The following NUBPL variants were observed in gnomAD, a reference collection of about 807,000 sequenced individuals.
NUBPL encodes the protein NUBP iron-sulfur cluster assembly factor, mitochondrial, also known as iron-sulfur cluster transfer protein NUBPL.
A neutral mutation model predicts 45.7 loss-of-function variants in NUBPL; 31 were observed. The ratio of observed to expected loss-of-function variants is 0.68; its 90% CI spans 0.51 to 0.92. The LOEUF is 0.92. NUBPL is among the 40% of genes least tolerant of loss of function. The pLI is 0.00. For synonymous variants in NUBPL, 144 were observed against 140.9 expected, an observed-to-expected ratio of 1.02 and a Z score of -0.15; for missense variants, 401 against 398.7, an observed-to-expected ratio of 1.01 and a Z score of -0.05.
chr14:31,846,678 C>A, intron 9 of NUBPL, 87 bp downstream of exon 9: 2 of 1,572,274 alleles, frequency 1.3e-6, no homozygotes, highest in African/African-American at 2.7e-5. Flanking sequence ...TCTCAGAGGC[C>A]GGGCACGGAG....
At chr14:31,589,563 A>T (rs539642916) in intron 3 of NUBPL, among the ~76,000 whole-genome samples, 8 of 152,262 alleles carry the variant, frequency 5.3e-5, no homozygotes, top group Admixed American at 4.6e-4. Flanking sequence ...GTGTTTTTTT[A>T]AAAAATTAAA....
In NUBPL at chr14:31,856,308, C is replaced by G. The variant is rs139237074; in HGVS notation, c.898-2810C>G. 2.6e-5 allele frequency among the ~76,000 whole-genome samples: 4 copies of G among 152,106 alleles called. No individual in the cohort carries two copies. The East Asian group carries it at 7.7e-4, about 29-fold the overall frequency. Reference sequence around the variant, plus strand: ...TGAGAACAGCATGGGAAAGACCCACCCCATGATTCAATCACCTCCCACCAG... The same window carrying G: ...TGAGAACAGCATGGGAAAGACCCACGCCATGATTCAATCACCTCCCACCAG... On this transcript the variant is annotated intron_variant, in intron 10 of 10. Coordinates refer to ENST00000281081, the MANE Select transcript of NUBPL (RefSeq NM_025152.3).
intron 4 of NUBPL, among the ~76,000 whole-genome samples, chr14:31,636,017 A>G (rs2035485821): frequency 1.3e-5 from 2 of 152,160 alleles, no homozygotes; most frequent in East Asian, 3.9e-4. Context: ...TTCTAAATAT[A>G]CAATCATGTC....
chr14:31,600,903 T>C, intron 4 of NUBPL, among the ~76,000 whole-genome samples: 1 of 151,828 alleles, frequency 6.6e-6, no homozygotes, highest in East Asian at 1.9e-4. Flanking sequence ...TGTTTAAGTC[T>C]TTAATCCATC....
At position 31,666,425 on chromosome 14, in the gene NUBPL, T is replaced by C. The variant is rs2036429651; in HGVS notation, c.383-6930T>C. ...GACTGCAGGTATGCACCACCATGCC[T>C]GGCTAATTTTTATATTCTTAGTAGA... On this transcript the variant is annotated intron_variant, in intron 4 of 10. Transcript: ENST00000281081. Among the ~76,000 whole-genome samples, 8 of 151,556 alleles carry C rather than the reference T, an allele frequency of 5.3e-5. No homozygotes were observed. In the South Asian group the frequency reaches 1.7e-3, roughly 32 times the overall value.
At chr14:31,857,569 A>G (rs2040644430) in intron 10 of NUBPL, among the ~76,000 whole-genome samples, 1 of 152,158 alleles carries the variant, frequency 6.6e-6, no homozygotes. Flanking sequence ...TATAAAACTG[A>G]ATACCTTTAA....
intron 3 of NUBPL, among the ~76,000 whole-genome samples, chr14:31,597,697 G>T (rs186728780): frequency 9.9e-5 from 15 of 152,220 alleles, no homozygotes; most frequent in East Asian, 1.9e-4. Flanking sequence ...CAAGGAAAGA[G>T]AATTTTAAAA....
intron 2 of NUBPL, among the ~76,000 whole-genome samples, chr14:31,563,271 A>G (rs982608864): frequency 6.6e-6 from 1 of 152,190 alleles, no homozygotes; most frequent in African/African-American, 2.4e-5. Flanking sequence ...AGGTGTTTTC[A>G]TGATTGTAGC....
chr14:31,592,534 A>C (rs2034169377), intron 3 of NUBPL, among the ~76,000 whole-genome samples: 1 of 152,168 alleles, frequency 6.6e-6, no homozygotes, highest in Admixed American at 6.5e-5. Flanking sequence ...ATAAACAATG[A>C]ATAATTTTTT....
At chr14:31,654,046 A>C (rs1478649933) in intron 4 of NUBPL, 2 of 452,732 alleles carry the variant, frequency 4.4e-6, no homozygotes, top group Non-Finnish European at 8.9e-6. Flanking sequence ...CACTAACACC[A>C]AACTTCATAC....
intron 6 of NUBPL, among the ~76,000 whole-genome samples, chr14:31,758,236 T>C (rs139359350): frequency 1.3e-5 from 2 of 152,326 alleles, no homozygotes; most frequent in Non-Finnish European, 2.9e-5. Flanking sequence ...GCAAATATGG[T>C]ACTCAATGTT....
intron 6 of NUBPL, among the ~76,000 whole-genome samples, chr14:31,755,706 G>T (rs1412144910): frequency 6.6e-6 from 1 of 152,040 alleles, no homozygotes; most frequent in Non-Finnish European, 1.5e-5. Context: ...AGTTTAATTA[G>T]ATCCCATTTG....
chr14:31,606,272 TG>T (rs1264210529), intron 4 of NUBPL, among the ~76,000 whole-genome samples: 1 of 151,844 alleles, frequency 6.6e-6, no homozygotes, highest in Non-Finnish European at 1.5e-5. Flanking sequence ...TTTAATTTTT[TG>T]TAGAGCTGGG....
At chr14:31,740,848 A>G (rs1026908854) in intron 6 of NUBPL, among the ~76,000 whole-genome samples, 1 of 152,060 alleles carries the variant, frequency 6.6e-6, no homozygotes, top group Non-Finnish European at 1.5e-5. Context: ...GCACCTTTCA[A>G]CTGAGATATA....
At chr14:31,803,996 G>A (rs2138874833) in intron 7 of NUBPL, among the ~76,000 whole-genome samples, 1 of 151,988 alleles carries the variant, frequency 6.6e-6, no homozygotes, top group South Asian at 2.1e-4. Context: ...CTGGTTCAAG[G>A]GATTCTCCCA....
intron 8 of NUBPL, among the ~76,000 whole-genome samples, chr14:31,836,153 C>A (rs1317797367): frequency 2.0e-5 from 3 of 152,096 alleles, no homozygotes; most frequent in African/African-American, 7.2e-5. Flanking sequence ...TCAAGAGAAT[C>A]AATTTTTAAA....
intron 6 of NUBPL, among the ~76,000 whole-genome samples, chr14:31,721,849 A>G (rs1014429522): frequency 6.6e-6 from 1 of 151,866 alleles, no homozygotes; most frequent in Non-Finnish European, 1.5e-5. Flanking sequence ...TCCCTCACTT[A>G]TAAGTGAGAA....
chr14:31,844,426 A>G (rs2040421763), intron 8 of NUBPL: 1 of 152,228 alleles, frequency 6.6e-6, no homozygotes, highest in African/African-American at 2.4e-5. Flanking sequence ...AAGCTGTGTG[A>G]CATTAAGCTA....
intron 6 of NUBPL, among the ~76,000 whole-genome samples, chr14:31,756,928 C>T (rs1174644816): frequency 1.4e-5 from 2 of 146,808 alleles, no homozygotes; most frequent in African/African-American, 5.0e-5. Flanking sequence ...TGAATTTTGT[C>T]AAAGGCCTTT....
Sources: allele counts gnomAD v4.1 joint callset (sites outside exome capture counted in the v4.1 genomes callset), GRCh38; gene constraint gnomAD v4.1.1; transcripts MANE v1.5; gene names NCBI Gene and HGNC (gene_info 2026-07-23, HGNC 2026-07-21).